FBXO15: variants seen among roughly 807,000 people sequenced by gnomAD.
FBXO15 encodes the protein F-box only protein 15.
A neutral mutation model predicts 49.5 loss-of-function variants in FBXO15; 30 were observed. The ratio of observed to expected loss-of-function variants is 0.61; its 90% CI spans 0.45 to 0.82. The LOEUF is 0.82. Among genes scored for constraint, FBXO15 ranks in the 40% least tolerant of loss-of-function variants. The probability of loss-of-function intolerance (pLI) is 0.00; values close to 1 mark genes in which losing one functional copy is unlikely to be tolerated. For missense variants in FBXO15, 591 were observed against 631.5 expected (o/e 0.94, Z 0.69); for synonymous variants, 250 against 232.7 (o/e 1.07, Z -0.68).
At chr18:74,139,707 A>T (rs1978946917) in intron 2 of FBXO15, among the ~76,000 whole-genome samples, 1 of 152,232 alleles carries the variant, frequency 6.6e-6, no homozygotes. Flanking sequence ...GGTGTTCCAT[A>T]AATGTTACTA....
chr18:74,130,600 AT>A lies in FBXO15; in HGVS notation c.390del (p.Lys130AsnfsTer5). On this transcript the variant is annotated frameshift_variant, in exon 4 of 10. Coordinates refer to ENST00000419743, the MANE Select transcript of FBXO15 (RefSeq NM_001142958.2). LOFTEE classifies it high-confidence loss of function. ...ATAGCTATCTTCTCTACTGAATTAAATTTCCAATTTGATCTTGCAGGTGAAA... is the reference window on the plus strand; with the variant it reads ...ATAGCTATCTTCTCTACTGAATTAAATTCCAATTTGATCTTGCAGGTGAAA... ...TAFSPARSNW[K>X]FNSVEKIAMS... 1.9e-6 allele frequency: 3 copies of A among 1,614,142 alleles called. No individual in the cohort carries two copies. Among genetic ancestry groups the A allele is most frequent in the Non-Finnish European group, 1.7e-6 (2 of 1,179,994 alleles).
At chr18:74,130,078 T>G (rs1978319887) in intron 4 of FBXO15, among the ~76,000 whole-genome samples, 1 of 152,236 alleles carries the variant, frequency 6.6e-6, no homozygotes, top group Non-Finnish European at 1.5e-5. Flanking sequence ...TCCTCCCGTA[T>G]TCTTTAAATC....
At chr18:74,128,819 T>A (rs1477353160) in intron 5 of FBXO15, among the ~76,000 whole-genome samples, 1 of 152,264 alleles carries the variant, frequency 6.6e-6, no homozygotes, top group Admixed American at 6.5e-5. Context: ...ATTACCCATG[T>A]GCTGCACACT....
At chr18:74,126,592 G>T (rs531140568) in intron 5 of FBXO15, among the ~76,000 whole-genome samples, 2 of 152,332 alleles carry the variant, frequency 1.3e-5, no homozygotes, top group African/African-American at 2.4e-5. Flanking sequence ...CTCAGAGATA[G>T]TGAAAGTTGA....
At chr18:74,128,124 A>G (rs1022194140) in intron 5 of FBXO15, among the ~76,000 whole-genome samples, 2 of 152,212 alleles carry the variant, frequency 1.3e-5, no homozygotes, top group Admixed American at 1.3e-4. Context: ...AAGTATCTTC[A>G]GTAATATATT....
chr18:74,129,537 G>T lies in FBXO15; in HGVS notation c.653C>A (p.Ser218Tyr). Reference sequence around the variant, plus strand: ...AACAGTAACTGATGTGTCATTTATGGAAAGATCAACATGCTCCATGATATA... The same window carrying T: ...AACAGTAACTGATGTGTCATTTATGTAAAGATCAACATGCTCCATGATATA... The part of the protein sequence containing the change: ...KEYIMEHVDL[S>Y]INDTSVTVIW... Residue 218 changes from serine (S) to tyrosine (Y), a missense_variant, in exon 5 of 10, where the codon TCC becomes TAC. Coordinates refer to ENST00000419743, the MANE Select transcript of FBXO15 (RefSeq NM_001142958.2). 1.2e-6 allele frequency: 2 copies of T among 1,613,312 alleles called. No homozygotes were observed. The highest frequency in any genetic ancestry group is 3.3e-5 in the Admixed American group (2 of 59,976).
intron 9 of FBXO15, 65 bp from the exon 10 acceptor site, chr18:74,073,795 C>T (rs367808199): frequency 5.0e-4 from 765 of 1,536,714 alleles, no homozygotes; most frequent in Non-Finnish European, 6.1e-4. Flanking sequence ...CACAGAAAAT[C>T]GTGACTCTGT....
intron 8 of FBXO15, among the ~76,000 whole-genome samples, chr18:74,086,142 GAC>G (rs1490125747): frequency 2.0e-5 from 3 of 151,632 alleles, no homozygotes; most frequent in Non-Finnish European, 2.9e-5. Context: ...ATCTGAACTA[GAC>G]ACAGAAAAAA....
intron 9 of FBXO15, among the ~76,000 whole-genome samples, chr18:74,081,600 ACT>A (rs1338011883): frequency 2.6e-5 from 4 of 152,110 alleles, no homozygotes; most frequent in African/African-American, 7.2e-5. Flanking sequence ...CTTCAGTTCC[ACT>A]CTCTTTCCAC....
At chr18:74,139,094 C>T (rs147315911) in intron 2 of FBXO15, among the ~76,000 whole-genome samples, 20 of 152,218 alleles carry the variant, frequency 1.3e-4, no homozygotes, top group East Asian at 1.9e-4. Context: ...AAGCTCCTCT[C>T]GAAGCTCCTG....
At chr18:74,131,014 CTT>C (rs1331568378) in intron 3 of FBXO15, among the ~76,000 whole-genome samples, 1 of 152,078 alleles carries the variant, frequency 6.6e-6, no homozygotes, top group Non-Finnish European at 1.5e-5. Flanking sequence ...TAGTATGATT[CTT>C]GTTTTTAAAT....
chr18:74,100,855 C>T (rs767888979), intron 8 of FBXO15, among the ~76,000 whole-genome samples: 1 of 151,996 alleles, frequency 6.6e-6, no homozygotes, highest in African/African-American at 2.4e-5. Context: ...TAGCTTAAAT[C>T]AGAAAGAATT....
chr18:74,121,362 T>C (rs1235251511), intron 8 of FBXO15, among the ~76,000 whole-genome samples: 3 of 152,106 alleles, frequency 2.0e-5, no homozygotes, highest in Non-Finnish European at 4.4e-5. Flanking sequence ...GAAAGAGAAG[T>C]AACAAGAATT....
chr18:74,125,589 A>T (rs1914672717), intron 6 of FBXO15, among the ~76,000 whole-genome samples: 1 of 152,264 alleles, frequency 6.6e-6, no homozygotes, highest in South Asian at 2.1e-4. Context: ...AGCGTGCTGA[A>T]CACATAGTAA....
intron 8 of FBXO15, among the ~76,000 whole-genome samples, chr18:74,116,592 C>T (rs998363517): frequency 1.3e-5 from 2 of 152,158 alleles, no homozygotes; most frequent in African/African-American, 2.4e-5. Context: ...CCTGGACCCT[C>T]CCAGTAACCT....
At chr18:74,090,914 T>G (rs977190508) in intron 8 of FBXO15, among the ~76,000 whole-genome samples, 1 of 152,128 alleles carries the variant, frequency 6.6e-6, no homozygotes, top group African/African-American at 2.4e-5. Flanking sequence ...TACATGGCTA[T>G]TTGGTCAAGT....
chr18:74,147,464 C>A, intron 1 of FBXO15: 1 of 1,206,282 alleles, frequency 8.3e-7, no homozygotes. Flanking sequence ...CCCCGAGAGG[C>A]TACTCTATTT....
intron 8 of FBXO15, chr18:74,122,722 A>G (rs1303675788): frequency 6.6e-6 from 1 of 152,256 alleles, no homozygotes; most frequent in African/African-American, 2.4e-5. Context: ...AAAATGAAGT[A>G]CATAACTTCC....
intron 8 of FBXO15, among the ~76,000 whole-genome samples, chr18:74,115,419 G>A (rs1186970979): frequency 6.6e-6 from 1 of 152,084 alleles, no homozygotes; most frequent in Admixed American, 6.5e-5. Flanking sequence ...AAAAATCAAA[G>A]GACCTTGTAC....
Sources: allele counts gnomAD v4.1 joint callset (sites outside exome capture counted in the v4.1 genomes callset), GRCh38; gene constraint gnomAD v4.1.1; transcripts MANE v1.5; gene names NCBI Gene and HGNC (gene_info 2026-07-23, HGNC 2026-07-21).